The following STPG2 variants were observed in gnomAD, a reference collection of about 807,000 sequenced individuals.
STPG2 encodes the protein sperm tail PG-rich repeat containing 2, also known as sperm-tail PG-rich repeat-containing protein 2.
A neutral mutation model predicts 54.2 loss-of-function variants in STPG2; 56 were observed. The ratio of observed to expected loss-of-function variants is 1.03; its 90% confidence interval spans 0.83 to 1.29. The LOEUF is 1.29. Among genes scored for constraint, STPG2 ranks in the 50% most tolerant of loss-of-function variants. The pLI, the probability that STPG2 is intolerant of heterozygous loss-of-function variation, is 0.00. For missense variants in STPG2, 596 were observed against 544.9 expected (o/e 1.09, Z -0.93); for synonymous variants, 200 against 181.8 (o/e 1.10, Z -0.81).
At chr4:97,642,813 T>G (rs1349364748) in intron 10 of STPG2, among the ~76,000 whole-genome samples, 1 of 151,472 alleles carries the variant, frequency 6.6e-6, no homozygotes, top group Non-Finnish European at 1.5e-5. Flanking sequence ...CACGTTTATA[T>G]GTTAGACTGC....
chr4:97,592,025 A>G (rs1425185891), intron 10 of STPG2, among the ~76,000 whole-genome samples: 3 of 152,230 alleles, frequency 2.0e-5, no homozygotes, highest in African/African-American at 4.8e-5. Context: ...TTGTACAAAA[A>G]GGAAATATAT....
At chr4:97,951,912 T>C (rs937318712) in intron 7 of STPG2, among the ~76,000 whole-genome samples, 3 of 152,122 alleles carry the variant, frequency 2.0e-5, no homozygotes, top group Non-Finnish European at 4.4e-5. Flanking sequence ...TTGACAGAGC[T>C]GGCTGGAGGT....
chr4:97,992,709 T>C (rs532755142), intron 5 of STPG2, among the ~76,000 whole-genome samples: 41 of 152,312 alleles, frequency 2.7e-4, no homozygotes, highest in African/African-American at 9.6e-4. Context: ...TTTTACAAGA[T>C]TGATTCTACC....
chr4:97,482,475 A>G (rs1360047393), intron 4 of STPG2, among the ~76,000 whole-genome samples: 1 of 151,700 alleles, frequency 6.6e-6, no homozygotes, highest in Non-Finnish European at 1.5e-5. Flanking sequence ...GCTCAAAGAC[A>G]AAATCTTCTA....
intron 6 of STPG2, among the ~76,000 whole-genome samples, chr4:97,977,933 T>C (rs1734548617): frequency 6.6e-6 from 1 of 152,112 alleles, no homozygotes; most frequent in African/African-American, 2.4e-5. Context: ...CATGGAGAAA[T>C]GATAACTGGT....
chr4:97,647,495 C>A (rs1030386192), intron 10 of STPG2, among the ~76,000 whole-genome samples: 1 of 152,118 alleles, frequency 6.6e-6, no homozygotes, highest in Non-Finnish European at 1.5e-5. Context: ...TCCTCCTTTG[C>A]TAGAATCCCC....
intron 10 of STPG2, among the ~76,000 whole-genome samples, chr4:97,709,896 T>C (rs1053340447): frequency 1.1e-4 from 16 of 151,922 alleles, no homozygotes; most frequent in Non-Finnish European, 2.1e-4. Context: ...AGATAAAAAT[T>C]AGTGATTTAT....
chr4:97,958,086 G>C (rs940860543), intron 7 of STPG2, among the ~76,000 whole-genome samples: 2 of 152,094 alleles, frequency 1.3e-5, no homozygotes, highest in African/African-American at 4.8e-5. Context: ...AGGGGGGACA[G>C]ATCACTTGAG....
chr4:97,949,934 T>C (rs1043980800), intron 7 of STPG2, among the ~76,000 whole-genome samples: 1 of 152,156 alleles, frequency 6.6e-6, no homozygotes, highest in Non-Finnish European at 1.5e-5. Context: ...TTTGACTTTC[T>C]TGTATTTGGA....
intron 5 of STPG2, among the ~76,000 whole-genome samples, chr4:97,990,874 A>G (rs1734980012): frequency 6.6e-6 from 1 of 152,198 alleles, no homozygotes; most frequent in Non-Finnish European, 1.5e-5. Flanking sequence ...CATACAGTTT[A>G]AACTTTATTC....
chr4:98,023,849 T>G (rs968334903), intron 5 of STPG2, among the ~76,000 whole-genome samples: 1 of 152,152 alleles, frequency 6.6e-6, no homozygotes, highest in Non-Finnish European at 1.5e-5. Flanking sequence ...CAGGATATAA[T>G]CTCCTGGTGT....
At chr4:97,951,208 G>A (rs1318086630) in intron 7 of STPG2, among the ~76,000 whole-genome samples, 1 of 152,084 alleles carries the variant, frequency 6.6e-6, no homozygotes, top group Non-Finnish European at 1.5e-5. Flanking sequence ...CAATTTCCAA[G>A]TTTTGGGGGA....
At chr4:97,490,773 A>C (rs150076666) in intron 4 of STPG2, among the ~76,000 whole-genome samples, 2 of 151,462 alleles carry the variant, frequency 1.3e-5, no homozygotes, top group Non-Finnish European at 3.0e-5. Context: ...ACTTCTAAAC[A>C]TCTCTCCTTC....
chr4:97,483,097 A>C (rs1730265861), intron 4 of STPG2, among the ~76,000 whole-genome samples: 1 of 151,806 alleles, frequency 6.6e-6, no homozygotes, highest in Non-Finnish European at 1.5e-5. Flanking sequence ...ACATCAAAAC[A>C]GGACCTCTTT....
At chr4:97,815,000 T>G (rs1727862419) in intron 9 of STPG2, among the ~76,000 whole-genome samples, 2 of 152,092 alleles carry the variant, frequency 1.3e-5, no homozygotes, top group Admixed American at 1.3e-4. Context: ...TACTGTGCCT[T>G]GTTATTAAGG....
intron 5 of STPG2, among the ~76,000 whole-genome samples, chr4:97,981,788 T>C (rs1249111400): frequency 4.7e-5 from 7 of 149,206 alleles, no homozygotes; most frequent in African/African-American, 1.7e-4. Flanking sequence ...GGTTTATCAA[T>C]TCAGTTTAAC....
intron 5 of STPG2, among the ~76,000 whole-genome samples, chr4:98,094,246 T>C (rs751194007): frequency 3.3e-5 from 5 of 152,146 alleles, no homozygotes; most frequent in Non-Finnish European, 5.9e-5. Flanking sequence ...AGCTCCTGAA[T>C]GATATTTCTA....
intron 9 of STPG2, among the ~76,000 whole-genome samples, chr4:97,811,776 T>G (rs1212178704): frequency 1.3e-5 from 2 of 151,890 alleles, no homozygotes; most frequent in Non-Finnish European, 2.9e-5. Context: ...CAGTATCTCT[T>G]GGAGTTCCAG....
chr4:98,057,350 T>C (rs1737513933), intron 5 of STPG2, among the ~76,000 whole-genome samples: 2 of 152,116 alleles, frequency 1.3e-5, no homozygotes, highest in Admixed American at 6.5e-5. Flanking sequence ...ATAGCCAGTA[T>C]AGAGAAGAAC....
Sources: allele counts gnomAD v4.1 joint callset (sites outside exome capture counted in the v4.1 genomes callset), GRCh38; gene constraint gnomAD v4.1.1; transcripts MANE v1.5; gene names NCBI Gene and HGNC (gene_info 2026-07-23, HGNC 2026-07-21).